SNTG2: variants seen among roughly 807,000 people sequenced by gnomAD.
SNTG2 encodes the protein gamma-2-syntrophin.
In SNTG2, 74 loss-of-function variants were observed where a neutral mutation model predicts 70.9. That is an observed-to-expected ratio of 1.04 (90% CI 0.86 to 1.27). The LOEUF is 1.27. SNTG2 is among the 50% of genes most tolerant of loss of function. The pLI, the probability that SNTG2 is intolerant of heterozygous loss-of-function variation, is 0.00. For missense variants in SNTG2, 717 were observed against 690.7 expected, an observed-to-expected ratio of 1.04 and a Z score of -0.43; for synonymous variants, 278 against 273.8, an observed-to-expected ratio of 1.02 and a Z score of -0.15.
intron 16 of SNTG2, among the ~76,000 whole-genome samples, chr2:1,325,078 C>G (rs1681705703): frequency 6.6e-6 from 1 of 152,066 alleles, no homozygotes; most frequent in Non-Finnish European, 1.5e-5. Context: ...ATTTACTGGC[C>G]CTATAAAGTC....
chr2:1,134,912 G>T (rs114824319), intron 4 of SNTG2, among the ~76,000 whole-genome samples: 1 of 152,178 alleles, frequency 6.6e-6, no homozygotes, highest in African/African-American at 2.4e-5. Flanking sequence ...GCGCAACACC[G>T]GTGGGCCAGA....
At chr2:1,275,386 G>A (rs1426314601) in intron 14 of SNTG2, among the ~76,000 whole-genome samples, 1 of 152,226 alleles carries the variant, frequency 6.6e-6, no homozygotes, top group African/African-American at 2.4e-5. Flanking sequence ...TCTGTGCTCT[G>A]TCATGTCTCC....
intron 12 of SNTG2, among the ~76,000 whole-genome samples, chr2:1,254,473 A>G (rs923864880): frequency 5.2e-5 from 8 of 152,384 alleles, no homozygotes; most frequent in African/African-American, 1.9e-4. Flanking sequence ...TGGCATTAAT[A>G]TATCAATGAT....
intron 4 of SNTG2, among the ~76,000 whole-genome samples, chr2:1,104,140 G>T (rs7574574): frequency 1.3e-5 from 2 of 152,116 alleles, no homozygotes; most frequent in Non-Finnish European, 2.9e-5. Flanking sequence ...TGGCAGAGCC[G>T]GGGAGTGACC....
At chr2:1,090,736 G>A (rs1275545951) in intron 2 of SNTG2, among the ~76,000 whole-genome samples, 7 of 152,232 alleles carry the variant, frequency 4.6e-5, no homozygotes, top group South Asian at 2.1e-4. Flanking sequence ...GGGAGGGGCC[G>A]CATGCACTGT....
At chr2:1,169,080 G>A (rs1670948200) in intron 7 of SNTG2, among the ~76,000 whole-genome samples, 2 of 152,168 alleles carry the variant, frequency 1.3e-5, no homozygotes, top group Non-Finnish European at 2.9e-5. Context: ...AGTGAGCTCG[G>A]ATGGGGGAGG....
At chr2:1,322,605 C>A (rs1254576084) in intron 16 of SNTG2, among the ~76,000 whole-genome samples, 1 of 152,158 alleles carries the variant, frequency 6.6e-6, no homozygotes, top group Non-Finnish European at 1.5e-5. Context: ...GACCACCTCT[C>A]TCTTTGTCTC....
At chr2:1,267,812 T>A (rs1379710815) in intron 14 of SNTG2, among the ~76,000 whole-genome samples, 1 of 152,188 alleles carries the variant, frequency 6.6e-6, no homozygotes, top group Non-Finnish European at 1.5e-5. Context: ...ACATTGAATG[T>A]GAGGAACGGG....
At chr2:1,241,857 C>T (rs1191847159) in intron 11 of SNTG2, among the ~76,000 whole-genome samples, 1 of 152,130 alleles carries the variant, frequency 6.6e-6, no homozygotes, top group Non-Finnish European at 1.5e-5. Flanking sequence ...CCTTGTTTGA[C>T]AAAGCAAAAA....
intron 8 of SNTG2, among the ~76,000 whole-genome samples, chr2:1,191,924 A>T (rs1331187705): frequency 1.3e-5 from 2 of 152,022 alleles, no homozygotes; most frequent in African/African-American, 2.4e-5. Context: ...TGTATATATA[A>T]AATACAAATA....
intron 8 of SNTG2, among the ~76,000 whole-genome samples, chr2:1,178,515 G>T (rs1671635416): frequency 1.3e-5 from 2 of 152,124 alleles, no homozygotes; most frequent in Non-Finnish European, 2.9e-5. Flanking sequence ...AGCATGAAGG[G>T]TTGTTGAATT....
At chr2:1,069,972 A>T (rs532885215) in intron 1 of SNTG2, among the ~76,000 whole-genome samples, 1 of 152,136 alleles carries the variant, frequency 6.6e-6, no homozygotes, top group African/African-American at 2.4e-5. Flanking sequence ...TCCCACAGCC[A>T]CTGTTTCTCC....
intron 9 of SNTG2, among the ~76,000 whole-genome samples, chr2:1,236,543 C>T (rs28645300): frequency 0.33 from 50,108 of 152,188 alleles, 10,138 homozygotes; most frequent in African/African-American, 0.58. Context: ...GTCAAGAGTA[C>T]CTTGTTCATC....
intron 7 of SNTG2, among the ~76,000 whole-genome samples, chr2:1,171,241 A>G (rs28408603): frequency 0.32 from 48,311 of 152,074 alleles, 8,236 homozygotes; most frequent in East Asian, 0.65. Context: ...CCTATTCATC[A>G]GAAATAAATT....
Position 1,097,657 on chromosome 2 carries a change from A to G in SNTG2, c.211-539A>G, listed in dbSNP as rs1572421968. The stretch of plus-strand genomic sequence containing the variant: ...AGGCCTATTGTGCTTTTAGCTTTTT[A>G]TCACAACCTACCCTTAAATATCCCA... On this transcript the variant is annotated intron_variant, in intron 2 of 16. Coordinates refer to ENST00000308624, the MANE Select transcript of SNTG2 (RefSeq NM_018968.4). This position sits in a 1 kb window ranked among gnomAD's most constrained non-coding sequence, Gnocchi z 4.1. Among the ~76,000 whole-genome samples the G allele has an allele frequency of 1.3e-5, 2 of 152,216 alleles. No individual in the cohort carries two copies. Among genetic ancestry groups the G allele is most frequent in the East Asian group, 3.9e-4 (2 of 5,146 alleles).
intron 14 of SNTG2, among the ~76,000 whole-genome samples, chr2:1,274,264 G>C (rs11887044): frequency 6.6e-6 from 1 of 152,102 alleles, no homozygotes; most frequent in African/African-American, 2.4e-5. Flanking sequence ...AAACTTTCTC[G>C]TTACCCTGGT....
At chr2:1,359,844 G>C (rs551446442) in intron 16 of SNTG2, among the ~76,000 whole-genome samples, 30 of 151,986 alleles carry the variant, frequency 2.0e-4, no homozygotes, top group Admixed American at 1.9e-3. Flanking sequence ...TTATTTCTTT[G>C]CATGTTTTTT....
At chr2:997,485 A>G (rs889874051) in intron 1 of SNTG2, among the ~76,000 whole-genome samples, 1 of 152,224 alleles carries the variant, frequency 6.6e-6, no homozygotes, top group African/African-American at 2.4e-5. Context: ...TAGGTTTTCA[A>G]CAGGAAAGTA....
chr2:1,150,708 C>T (rs1669421950), intron 6 of SNTG2, among the ~76,000 whole-genome samples: 4 of 17,882 alleles, frequency 2.2e-4, no homozygotes, highest in South Asian at 6.7e-4. Context: ...CAGCAAATGT[C>T]GTGTTAGAGT....
Sources: allele counts gnomAD v4.1 joint callset (sites outside exome capture counted in the v4.1 genomes callset), GRCh38; gene constraint gnomAD v4.1.1; non-coding constraint Gnocchi (gnomAD v3.1); transcripts MANE v1.5; gene names NCBI Gene and HGNC (gene_info 2026-07-23, HGNC 2026-07-21).